Variants in LCORL observed in about 807,000 individuals in gnomAD.
LCORL encodes the protein ligand-dependent nuclear receptor corepressor-like protein.
In LCORL, 41 loss-of-function variants were observed where a neutral mutation model predicts 141.8. The observed-to-expected ratio is 0.29, with a 90% CI of 0.23 to 0.38. The LOEUF is 0.38. Among genes scored for constraint, LCORL ranks in the 10% least tolerant of loss-of-function variants. LCORL has a pLI of 1.00. For missense variants in LCORL, 1,759 were observed against 2,035.0 expected (o/e 0.86, Z 2.61); for synonymous variants, 618 against 694.1 (o/e 0.89, Z 1.72).
In LCORL at chr4:17,884,160, T is replaced by G; in HGVS notation, c.776+1908A>C. The G allele has an allele frequency of 6.4e-7, 1 of 1,550,512 alleles. No homozygotes were observed. The highest frequency in any genetic ancestry group is 8.7e-7 in the Non-Finnish European group (1 of 1,146,284). ...TCTATTTTGTTCTGTTTAGGGAGTATATTTTTCAGTTTTTGGAGAGCTGAT... is the reference window on the plus strand; with the variant it reads ...TCTATTTTGTTCTGTTTAGGGAGTAGATTTTTCAGTTTTTGGAGAGCTGAT... On this transcript the variant is annotated intron_variant, in intron 6 of 7. Coordinates refer to ENST00000635767, the Ensembl canonical transcript of LCORL. This position sits in a 1 kb window ranked among gnomAD's most constrained non-coding sequence, Gnocchi z 4.4.
intron 4 of LCORL, among the ~76,000 whole-genome samples, chr4:17,960,818 C>A (rs1386177586): frequency 6.6e-6 from 1 of 151,988 alleles, no homozygotes; most frequent in Non-Finnish European, 1.5e-5. Context: ...AAAGATAATG[C>A]AGATTTCTCA....
At chr4:18,014,549 G>T (rs1450011564) in intron 1 of LCORL, among the ~76,000 whole-genome samples, 1 of 152,048 alleles carries the variant, frequency 6.6e-6, no homozygotes, top group Non-Finnish European at 1.5e-5. Context: ...ACAGATTAAG[G>T]TAAAAAAAAG....
intron 4 of LCORL, among the ~76,000 whole-genome samples, chr4:17,953,960 G>A (rs978185226): frequency 1.3e-5 from 2 of 152,078 alleles, no homozygotes; most frequent in Admixed American, 1.3e-4. Context: ...TCAGGAGATC[G>A]AGACCATCCT....
intron 4 of LCORL, among the ~76,000 whole-genome samples, chr4:17,950,812 T>C (rs1739600048): frequency 6.6e-6 from 1 of 151,962 alleles, no homozygotes; most frequent in African/African-American, 2.4e-5. Context: ...AAAAAAAATT[T>C]AGACCACACA....
intron 7 of LCORL, among the ~76,000 whole-genome samples, chr4:17,863,767 A>T (rs1033459979): frequency 6.6e-6 from 1 of 152,236 alleles, no homozygotes; most frequent in African/African-American, 2.4e-5. Flanking sequence ...ATGGTAGAAT[A>T]GGTAAAGAAA....
chr4:17,911,676 G>T, intron 4 of LCORL: 2 of 499,564 alleles, frequency 4.0e-6, no homozygotes, highest in South Asian at 3.1e-5. Flanking sequence ...TGGACAGCAT[G>T]AGCTTCACCA....
intron 4 of LCORL, among the ~76,000 whole-genome samples, chr4:17,921,892 G>A (rs1397934106): frequency 2.6e-5 from 4 of 152,110 alleles, no homozygotes; most frequent in African/African-American, 4.8e-5. Flanking sequence ...CTTCTCTCGC[G>A]CTGGATGCTT....
chr4:17,934,359 T>G (rs1736517070), intron 4 of LCORL, among the ~76,000 whole-genome samples: 1 of 152,110 alleles, frequency 6.6e-6, no homozygotes, highest in Admixed American at 6.5e-5. Context: ...GTTTAGTTCT[T>G]TTATAAACCT....
At chr4:17,937,279 A>G (rs762415970) in intron 4 of LCORL, among the ~76,000 whole-genome samples, 7 of 152,174 alleles carry the variant, frequency 4.6e-5, no homozygotes, top group Non-Finnish European at 8.8e-5. Flanking sequence ...ATACAACTCA[A>G]CGAAACAAGC....
Position 17,887,829 on chromosome 4 carries a change from T to C in LCORL, c.683-1668A>G, listed in dbSNP as rs557199743. Among the ~76,000 whole-genome samples the C allele has an allele frequency of 9.2e-5, 14 of 152,228 alleles. No homozygotes were observed. In the East Asian group the frequency reaches 2.1e-3, roughly 23 times the overall value. The stretch of plus-strand genomic sequence containing the variant: ...AGGGAAACCTGCTGGGAAAGTGCTA[T>C]GCTATTTCTCGTTTCTGGGCTTTCA... On this transcript the variant is annotated intron_variant, in intron 5 of 7. Transcript: ENST00000635767.
intron 4 of LCORL, among the ~76,000 whole-genome samples, chr4:17,915,322 A>C (rs1733223938): frequency 6.6e-6 from 1 of 152,206 alleles, no homozygotes; most frequent in South Asian, 2.1e-4. Flanking sequence ...TCACTCCTTG[A>C]TTGTAGCCTC....
exon 8 of LCORL, chr4:17,843,036 A>C (rs549619399): frequency 4.2e-6 from 1 of 240,142 alleles, no homozygotes; most frequent in East Asian, 7.8e-5. Context: ...AAGCTTCATT[A>C]CAAGTTTGTG....
chr4:17,985,845 G>GC (rs1718870391), intron 1 of LCORL, among the ~76,000 whole-genome samples: 1 of 152,100 alleles, frequency 6.6e-6, no homozygotes, highest in Admixed American at 6.6e-5. Flanking sequence ...TTGTGTGGTT[G>GC]CTTTACAGTG....
At chr4:17,928,687 A>G (rs1249517602) in intron 4 of LCORL, among the ~76,000 whole-genome samples, 1 of 152,218 alleles carries the variant, frequency 6.6e-6, no homozygotes, top group African/African-American at 2.4e-5. Context: ...GGAACAAAAC[A>G]AGGATATATG....
intron 6 of LCORL, chr4:17,883,612 T>C (rs892599796): frequency 1.5e-6 from 2 of 1,376,242 alleles, no homozygotes; most frequent in African/African-American, 2.9e-5. Context: ...TGAGCATTTG[T>C]AATTCCCACG....
chr4:17,919,113 C>T (rs971714420), intron 4 of LCORL, among the ~76,000 whole-genome samples: 5 of 151,784 alleles, frequency 3.3e-5, no homozygotes, highest in Non-Finnish European at 7.4e-5. Context: ...TCAGAAAATA[C>T]TATAAAAAAC....
In LCORL at chr4:17,884,390, G is replaced by A. The variant is rs1480445953; in HGVS notation, c.776+1678C>T. The stretch of plus-strand genomic sequence containing the variant: ...CTGTAGAGTTAGCTGATGGAGGTAA[G>A]TGGAAGCTGTTGGGAATTTTATTTC... On this transcript the variant is annotated intron_variant, in intron 6 of 7. Transcript: ENST00000635767. The surrounding 1 kb of genome is among the most constrained non-coding windows in gnomAD (Gnocchi z 4.4). 7 of 1,548,632 alleles carry A rather than the reference G, an allele frequency of 4.5e-6. No homozygotes were observed. The highest frequency in any genetic ancestry group is 6.1e-6 in the Non-Finnish European group (7 of 1,145,808).
intron 4 of LCORL, among the ~76,000 whole-genome samples, chr4:17,950,585 C>T (rs6845078): frequency 0.25 from 37,820 of 151,862 alleles, 6,197 homozygotes; most frequent in African/African-American, 0.46. Context: ...GAATGGAGTA[C>T]GGAAGAATCC....
At chr4:17,948,293 T>C (rs933678383) in intron 4 of LCORL, among the ~76,000 whole-genome samples, 2 of 151,998 alleles carry the variant, frequency 1.3e-5, no homozygotes, top group Non-Finnish European at 2.9e-5. Flanking sequence ...ATGTAAGGAA[T>C]CTGGGCCACA....
Sources: gnomAD v4.1 joint callset for allele counts (sites outside exome capture counted in the v4.1 genomes callset) on GRCh38, gnomAD v4.1.1 for gene constraint, Gnocchi (gnomAD v3.1) non-coding constraint, MANE v1.5 for transcripts, NCBI Gene and HGNC (gene_info 2026-07-23, HGNC 2026-07-21) for gene names.